CYRIA: variants seen among roughly 807,000 people sequenced by gnomAD.
The protein encoded by CYRIA is CYFIP-related Rac1 interactor A.
CYRIA carries 15 observed loss-of-function variants against 43.9 expected under a neutral mutation model. The observed-to-expected ratio is 0.34, with a 90% CI of 0.23 to 0.53. The LOEUF is 0.53. CYRIA is among the 20% of genes least tolerant of loss of function. The pLI, the probability that CYRIA is intolerant of heterozygous loss-of-function variation, is 0.94. For missense variants in CYRIA, 236 were observed against 394.2 expected, an observed-to-expected ratio of 0.60 and a Z score of 3.40; for synonymous variants, 117 against 136.0, an observed-to-expected ratio of 0.86 and a Z score of 0.97.
chr2:16,604,296 G>A (rs1054215814), intron 2 of CYRIA, among the ~76,000 whole-genome samples: 19 of 152,228 alleles, frequency 1.2e-4, no homozygotes, highest in Admixed American at 1.2e-3. Flanking sequence ...AAGGTTCAGA[G>A]TTGGAGAAAT....
In CYRIA at chr2:16,559,565, C is replaced by G. The variant is rs375699408; in HGVS notation, c.732G>C (p.Thr244=). ...TGCAGAACATCAGGGTCTCTTCACT[C>G]GTAAACCTACTTCTGTACTCCCTGC... The part of the protein sequence containing the change: ...LETPEYRSRF[T]SEETLMFCMR... Residue 244 remains threonine, a synonymous_variant, in exon 10 of 12, where the codon ACG becomes ACC. Coordinates refer to ENST00000381323, the MANE Select transcript of CYRIA (RefSeq NM_030797.4). 5.6e-6 allele frequency: 9 copies of G among 1,612,700 alleles called. No homozygotes were observed. The highest frequency in any genetic ancestry group is 1.7e-5 in the Admixed American group (1 of 59,908).
In CYRIA at chr2:16,602,890, A is replaced by AT. The variant is rs1056074904; in HGVS notation, c.-10-14762dup. Among the ~76,000 whole-genome samples, 138 of 148,762 alleles carry AT rather than the reference A, an allele frequency of 9.3e-4. 1 individual carries two copies. The highest frequency in any genetic ancestry group is 1.7e-3 in the African/African-American group (71 of 40,632). On this transcript the variant is annotated intron_variant, in intron 2 of 11. Transcript: ENST00000381323. ...ACACCCTCGCTGGTGGTCCAGAATAATTTTTTTTTTTGCACACTTTCCTTC... is the reference window on the plus strand; with the variant it reads ...ACACCCTCGCTGGTGGTCCAGAATAATTTTTTTTTTTTGCACACTTTCCTTC...
At chr2:16,652,458 T>C (rs975885507) in intron 1 of CYRIA, among the ~76,000 whole-genome samples, 2 of 152,226 alleles carry the variant, frequency 1.3e-5, no homozygotes, top group Admixed American at 1.3e-4. Flanking sequence ...TACCCTATTA[T>C]ATTTGCTAGG....
Position 16,607,793 on chromosome 2 carries a change from C to T in CYRIA, c.-11+16071G>A, listed in dbSNP as rs531850149. Among the ~76,000 whole-genome samples the T allele has an allele frequency of 2.0e-5, 3 of 152,226 alleles. No homozygotes were observed. The South Asian group carries it at 6.2e-4, about 32-fold the overall frequency. On this transcript the variant is annotated intron_variant, in intron 2 of 11. Transcript: ENST00000381323. Reference sequence around the variant, plus strand: ...CGTATTTTTAGTAGAGACAGGGTTTCACCATCTTGGTCAGGCTGGTCTTGC... The same window carrying T: ...CGTATTTTTAGTAGAGACAGGGTTTTACCATCTTGGTCAGGCTGGTCTTGC...
At chr2:16,633,739 T>G (rs1669407920) in intron 1 of CYRIA, among the ~76,000 whole-genome samples, 1 of 152,000 alleles carries the variant, frequency 6.6e-6, no homozygotes. Context: ...TGATCCTGCT[T>G]GGGCTGTGGC....
intron 3 of CYRIA, among the ~76,000 whole-genome samples, chr2:16,580,454 T>C (rs1049780378): frequency 6.6e-6 from 1 of 152,180 alleles, no homozygotes; most frequent in African/African-American, 2.4e-5. Context: ...AGCACTTTTA[T>C]ATTAAAAACT....
intron 1 of CYRIA, among the ~76,000 whole-genome samples, chr2:16,649,850 G>A (rs1037698124): frequency 6.6e-6 from 1 of 152,188 alleles, no homozygotes; most frequent in African/African-American, 2.4e-5. Context: ...TGACTTGGAT[G>A]TACCACTTCC....
At chr2:16,663,563 T>C (rs986488722) in intron 1 of CYRIA, among the ~76,000 whole-genome samples, 2 of 150,900 alleles carry the variant, frequency 1.3e-5, no homozygotes, top group Non-Finnish European at 2.9e-5. Context: ...TATGAACTCC[T>C]TGCCCAGGGC....
chr2:16,648,548 G>A (rs147128739), intron 1 of CYRIA, among the ~76,000 whole-genome samples: 25 of 152,332 alleles, frequency 1.6e-4, no homozygotes, highest in African/African-American at 5.8e-4. Context: ...CTTTGTGGAT[G>A]TGATTACACT....
At chr2:16,620,012 G>A (rs1265865861) in intron 2 of CYRIA, among the ~76,000 whole-genome samples, 2 of 152,154 alleles carry the variant, frequency 1.3e-5, no homozygotes, top group East Asian at 1.9e-4. Context: ...CTGGGTTCTT[G>A]TCTGCCATCT....
At chr2:16,583,073 C>A (rs1483703211) in intron 3 of CYRIA, among the ~76,000 whole-genome samples, 1 of 152,170 alleles carries the variant, frequency 6.6e-6, no homozygotes. Flanking sequence ...GAAATTCAAT[C>A]TCACTGTCAT....
intron 2 of CYRIA, among the ~76,000 whole-genome samples, chr2:16,611,525 G>C (rs189319919): frequency 1.2e-3 from 179 of 152,342 alleles, no homozygotes; most frequent in African/African-American, 4.2e-3. Flanking sequence ...GAAGACTCTA[G>C]TGAGGACTGT....
At chr2:16,630,504 C>T (rs1438236424) in intron 1 of CYRIA, among the ~76,000 whole-genome samples, 1 of 152,144 alleles carries the variant, frequency 6.6e-6, no homozygotes, top group East Asian at 1.9e-4. Flanking sequence ...CTTTGTAACA[C>T]CTGAATGGCC....
intron 8 of CYRIA, 40 bp downstream of exon 8, chr2:16,561,121 A>AAT: frequency 6.2e-7 from 1 of 1,610,756 alleles, no homozygotes; most frequent in Non-Finnish European, 8.5e-7. Flanking sequence ...TCTTGTGTGG[A>AAT]ATTAAGGAAA....
At chr2:16,629,733 T>C (rs1231776186) in intron 1 of CYRIA, among the ~76,000 whole-genome samples, 1 of 152,200 alleles carries the variant, frequency 6.6e-6, no homozygotes, top group Non-Finnish European at 1.5e-5. Flanking sequence ...CAAGTGATGA[T>C]TTTTTGGTAA....
chr2:16,559,313 G>T, intron 10 of CYRIA, 147 bp downstream of exon 10: 1 of 938,654 alleles, frequency 1.1e-6, no homozygotes, highest in Non-Finnish European at 1.6e-6. Flanking sequence ...TGGACATCTT[G>T]CTGTGAGGAC....
intron 2 of CYRIA, among the ~76,000 whole-genome samples, chr2:16,603,374 A>G (rs557270237): frequency 6.6e-6 from 1 of 152,332 alleles, no homozygotes; most frequent in South Asian, 2.1e-4. Flanking sequence ...TCCCAGTTTC[A>G]GAGATAAATA....
intron 3 of CYRIA, among the ~76,000 whole-genome samples, chr2:16,576,266 A>G (rs1667344897): frequency 6.6e-6 from 1 of 152,214 alleles, no homozygotes; most frequent in Admixed American, 6.5e-5. Context: ...GTGACAGGTG[A>G]TGCGGAGGAT....
chr2:16,584,687 G>A (rs2103452522), intron 3 of CYRIA, among the ~76,000 whole-genome samples: 1 of 152,232 alleles, frequency 6.6e-6, no homozygotes, highest in Middle Eastern at 3.4e-3. Flanking sequence ...CAAGCATTTG[G>A]TGTTTCATCT....
Sources: gnomAD v4.1 joint callset for allele counts (sites outside exome capture counted in the v4.1 genomes callset) on GRCh38, gnomAD v4.1.1 for gene constraint, MANE v1.5 for transcripts, NCBI Gene and HGNC (gene_info 2026-07-23, HGNC 2026-07-21) for gene names.